PTPRQ: variants seen among roughly 807,000 people sequenced by gnomAD.
PTPRQ encodes protein tyrosine phosphatase receptor type Q.
A neutral mutation model predicts 246.0 loss-of-function variants in PTPRQ; 199 were observed. The ratio of observed to expected loss-of-function variants is 0.81; its 90% CI spans 0.72 to 0.91. The LOEUF is 0.91. Ranked by LOEUF, PTPRQ falls within the 40% of genes least tolerant of loss-of-function variation. The pLI is 0.00. For missense variants in PTPRQ, 2,624 were observed against 2,528.4 expected (o/e 1.04, Z -0.81); for synonymous variants, 869 against 853.2 (o/e 1.02, Z -0.32).
Position 80,459,348 on chromosome 12 carries a change from G to A in PTPRQ, c.525G>A (p.Trp175Ter). The change falls in exon 5 of 45, where the codon TGG (tryptophan) becomes TGA (stop). Residue 175 changes from tryptophan to a stop codon, truncating the protein, a stop_gained. Transcript: ENST00000644991. LOFTEE classifies it high-confidence loss of function. The part of the protein sequence containing the change: ...AYNASAVKLI[W>*]YLPRQPNGKI... The stretch of plus-strand genomic sequence containing the variant: ...ACGCTTCAGCAGTTAAGCTGATTTG[G>A]TATTTACCTCGGCAACCAAATGGCA... The A allele has an allele frequency of 2.5e-6, 1 of 398,404 alleles. No homozygotes were observed. The highest frequency in any genetic ancestry group is 4.4e-6 in the Non-Finnish European group (1 of 225,954). The allele number at this position is 398,404 out of a possible 1,614,324, so 24.7% of individuals were successfully genotyped here. A position where few individuals can be genotyped will look rare whatever the true frequency, so the allele number is the denominator to read the frequency against.
In PTPRQ at chr12:80,622,146, T is replaced by C. The variant is rs1452405875; in HGVS notation, c.5686+12T>C. On this transcript the variant is annotated intron_variant, in intron 33 of 44. Coordinates refer to ENST00000644991, the MANE Select transcript of PTPRQ (RefSeq NM_001145026.2). ...TGTTAAGACTTTAGGTAAGACATTT[T>C]TGTAATTCATTTATAATCTCAACAT... 7.2e-7 allele frequency: 1 copy of C among 1,394,418 alleles called. No homozygotes were observed. The highest frequency in any genetic ancestry group is 9.4e-7 in the Non-Finnish European group (1 of 1,061,878). The allele number at this position is 1,394,418 out of a possible 1,614,324, so 86.4% of individuals were successfully genotyped here.
chr12:80,649,061 A>AT, intron 36 of PTPRQ, 138 bp downstream of exon 36: 1 of 776,668 alleles, frequency 1.3e-6, no homozygotes, highest in Non-Finnish European at 1.9e-6. Flanking sequence ...TCATAAAAGC[A>AT]TGACTAATTG....
chr12:80,454,477 C>A (rs142586886), intron 3 of PTPRQ: 7 of 702,126 alleles, frequency 1.0e-5, no homozygotes, highest in Admixed American at 2.0e-5. Context: ...CTTGCTTGAT[C>A]GCTCTGGCTA....
Position 80,635,027 on chromosome 12 carries a change from C to A in PTPRQ, c.5869C>A (p.Leu1957Ile). The A allele has an allele frequency of 6.4e-7, 1 of 1,551,438 alleles. No individual in the cohort carries two copies. Among genetic ancestry groups the A allele is most frequent in the Non-Finnish European group, 8.7e-7 (1 of 1,146,824 alleles). ...IIDTKLKLDQ[L>I]ITVADLELKD... ...TGACACTAAATTGAAGCTGGATCAG[C>A]TCATCACAGTGGCAGACCTGGAACT... Residue 1957 changes from leucine to isoleucine, a missense_variant, in exon 35 of 45, where the codon CTC becomes ATC. Leu to Ile is a conservative substitution (Grantham distance 5). Transcript: ENST00000644991.
At chr12:80,548,544 A>G (rs1896376660) in intron 24 of PTPRQ, among the ~76,000 whole-genome samples, 1 of 152,132 alleles carries the variant, frequency 6.6e-6, no homozygotes, top group African/African-American at 2.4e-5. Context: ...GTTTAGACCC[A>G]GGTAGAGCGG....
At chr12:80,578,916 A>G (rs969946827) in intron 25 of PTPRQ, among the ~76,000 whole-genome samples, 1 of 152,122 alleles carries the variant, frequency 6.6e-6, no homozygotes, top group Non-Finnish European at 1.5e-5. Context: ...TATTTGTTAT[A>G]AAGAGCCAAA....
rs1359640321 is a variant in PTPRQ at position 80,642,915 on chromosome 12, G to A, written c.5916-5982G>A. On this transcript the variant is annotated intron_variant, in intron 35 of 44. Coordinates refer to ENST00000644991, the MANE Select transcript of PTPRQ (RefSeq NM_001145026.2). ...AGCCTGGGCGACAGAGCGAGACTCCGTCTTAAAAAAAAAAAAAAAAAAAAA... is the reference window on the plus strand; with the variant it reads ...AGCCTGGGCGACAGAGCGAGACTCCATCTTAAAAAAAAAAAAAAAAAAAAA... Among the ~76,000 whole-genome samples, 3 of 58,888 alleles carry A rather than the reference G, an allele frequency of 5.1e-5. No homozygotes were observed. The African/African-American group carries it at 7.1e-4, about 14-fold the overall frequency. 38.6% of individuals were successfully genotyped at this position (58,888 alleles called of 152,430 possible).
Position 80,588,311 on chromosome 12 carries a change from T to C in PTPRQ, c.4468T>C (p.Tyr1490His). Residue 1490 changes from tyrosine to histidine, a missense_variant, in exon 26 of 45, where the codon TAC becomes CAC. Tyr to His is a moderately conservative substitution (Grantham distance 83). Coordinates refer to ENST00000644991, the MANE Select transcript of PTPRQ (RefSeq NM_001145026.2). ...EECVEYQKIQ[Y>H]LYEAHLTEET... Reference sequence around the variant, plus strand: ...ATGTGTTGAATATCAAAAAATTCAATACCTCTATGAAGCTCACTTAACTGA... The same window carrying C: ...ATGTGTTGAATATCAAAAAATTCAACACCTCTATGAAGCTCACTTAACTGA... 3.2e-6 allele frequency: 5 copies of C among 1,551,580 alleles called. No individual in the cohort carries two copies. Among genetic ancestry groups the C allele is most frequent in the Non-Finnish European group, 4.4e-6 (5 of 1,146,906 alleles).
intron 3 of PTPRQ, among the ~76,000 whole-genome samples, chr12:80,452,972 G>A (rs1565713201): frequency 1.3e-5 from 2 of 152,116 alleles, no homozygotes; most frequent in Non-Finnish European, 2.9e-5. Context: ...TTCCAACTTG[G>A]TTTCATTCTC....
At chr12:80,578,523 T>A (rs1364253989) in intron 25 of PTPRQ, among the ~76,000 whole-genome samples, 1 of 151,858 alleles carries the variant, frequency 6.6e-6, no homozygotes, top group Non-Finnish European at 1.5e-5. Flanking sequence ...CCTGAGTAGC[T>A]GGGGCTGCAG....
intron 26 of PTPRQ, 45 bp downstream of exon 26, chr12:80,588,497 T>A: frequency 7.0e-7 from 1 of 1,423,142 alleles, no homozygotes. Flanking sequence ...TGTTATATTC[T>A]GTATCTGTCT....
At chr12:80,604,841 T>C (rs1898257044) in intron 26 of PTPRQ, among the ~76,000 whole-genome samples, 1 of 151,574 alleles carries the variant, frequency 6.6e-6, no homozygotes, top group Non-Finnish European at 1.5e-5. Flanking sequence ...TTTTAATTAA[T>C]TAAGTTTTCA....
intron 3 of PTPRQ, chr12:80,454,453 T>C: frequency 1.6e-6 from 1 of 631,140 alleles, no homozygotes; most frequent in South Asian, 1.5e-5. Context: ...AATGGATGCC[T>C]TTTATTTCTT....
At chr12:80,645,322 A>G (rs1288134880) in intron 35 of PTPRQ, among the ~76,000 whole-genome samples, 1 of 152,022 alleles carries the variant, frequency 6.6e-6, no homozygotes, top group Non-Finnish European at 1.5e-5. Context: ...TGATAAATCT[A>G]TTGATTATAC....
At chr12:80,490,404 A>T (rs1479615750) in intron 9 of PTPRQ, among the ~76,000 whole-genome samples, 1 of 151,998 alleles carries the variant, frequency 6.6e-6, no homozygotes, top group African/African-American at 2.4e-5. Context: ...ATGTAAAATC[A>T]AGTTGGTTTA....
At chr12:80,664,340 T>A (rs1446188946) in intron 39 of PTPRQ, among the ~76,000 whole-genome samples, 1 of 152,014 alleles carries the variant, frequency 6.6e-6, no homozygotes, top group African/African-American at 2.4e-5. Context: ...AAAGAGAACA[T>A]TCACAAGGTC....
intron 25 of PTPRQ, among the ~76,000 whole-genome samples, chr12:80,554,362 T>G (rs1896582171): frequency 6.6e-6 from 1 of 152,162 alleles, no homozygotes; most frequent in African/African-American, 2.4e-5. Flanking sequence ...CCATAAAAAC[T>G]TAAGATTTAA....
At position 80,504,398 on chromosome 12, in the gene PTPRQ, A is replaced by T. The variant is rs182782015; in HGVS notation, c.2273-1626A>T. ...TAATATTATTTACCATTATTTAAAT[A>T]ATTATTTGCTCATATTTTAAAATAT... On this transcript the variant is annotated intron_variant, in intron 14 of 44. Coordinates refer to ENST00000644991, the MANE Select transcript of PTPRQ (RefSeq NM_001145026.2). Among the ~76,000 whole-genome samples, 510 of 151,976 alleles carry T rather than the reference A, an allele frequency of 3.4e-3. 3 individuals are homozygous for T. Among genetic ancestry groups the T allele is most frequent in the South Asian group, 5.8e-3 (28 of 4,830 alleles).
intron 31 of PTPRQ, 43 bp from the exon 32 acceptor site, chr12:80,620,111 A>G: frequency 6.7e-7 from 1 of 1,502,472 alleles, no homozygotes; most frequent in Non-Finnish European, 8.9e-7. Context: ...AAATATATTC[A>G]TATGTTACTT....
Sources: gnomAD v4.1 joint callset for allele counts (sites outside exome capture counted in the v4.1 genomes callset) on GRCh38, gnomAD v4.1.1 for gene constraint, MANE v1.5 for transcripts, NCBI Gene and HGNC (gene_info 2026-07-23, HGNC 2026-07-21) for gene names.